CPXM2: variants seen among roughly 807,000 people sequenced by gnomAD.
CPXM2 encodes the protein carboxypeptidase X, M14 family member 2.
CPXM2 carries 66 observed loss-of-function variants against 86.1 expected under a neutral mutation model. The observed-to-expected ratio is 0.77, with a 90% confidence interval of 0.63 to 0.94. The LOEUF (loss-of-function observed/expected upper bound fraction) is 0.94, where lower values mean the gene tolerates loss of function less well. Ranked by LOEUF, CPXM2 falls within the 40% of genes least tolerant of loss-of-function variation. CPXM2 has a pLI of 0.00. For missense variants in CPXM2, 948 were observed against 1,026.3 expected (o/e 0.92, Z 1.04); for synonymous variants, 388 against 400.2 (o/e 0.97, Z 0.36).
chr10:123,936,013 T>C (rs1945715122), intron 2 of CPXM2, among the ~76,000 whole-genome samples: 2 of 33,934 alleles, frequency 5.9e-5, no homozygotes, highest in Non-Finnish European at 1.4e-4. Context: ...ATCCTTACCA[T>C]CATCACCACC....
chr10:123,922,436 T>G (rs1945585967), intron 2 of CPXM2, among the ~76,000 whole-genome samples: 1 of 152,170 alleles, frequency 6.6e-6, no homozygotes, highest in Non-Finnish European at 1.5e-5. Context: ...TTTGCCCTTC[T>G]AAAAAAATAT....
At chr10:123,775,011 G>A (rs553679957) in intron 7 of CPXM2, among the ~76,000 whole-genome samples, 1 of 152,196 alleles carries the variant, frequency 6.6e-6, no homozygotes, top group Non-Finnish European at 1.5e-5. Context: ...AGGCAGAGGA[G>A]ATTTTTCCCA....
intron 3 of CPXM2, among the ~76,000 whole-genome samples, chr10:123,842,761 C>G (rs1157567898): frequency 6.6e-6 from 1 of 152,212 alleles, no homozygotes; most frequent in Non-Finnish European, 1.5e-5. Context: ...ACTACTCATT[C>G]ATCTAGCACA....
chr10:123,833,526 C>T (rs565042343), intron 4 of CPXM2, among the ~76,000 whole-genome samples: 2 of 152,286 alleles, frequency 1.3e-5, no homozygotes, highest in East Asian at 1.9e-4. Flanking sequence ...TGAGGCCACC[C>T]GGTAAATGAG....
At chr10:123,748,235 G>A (rs1468720287) in intron 13 of CPXM2, among the ~76,000 whole-genome samples, 1 of 152,120 alleles carries the variant, frequency 6.6e-6, no homozygotes, top group Non-Finnish European at 1.5e-5. Context: ...TCTTTCGCTT[G>A]TGACAATCTG....
intron 1 of CPXM2, among the ~76,000 whole-genome samples, chr10:123,881,601 A>T (rs563133558): frequency 5.9e-5 from 9 of 152,328 alleles, no homozygotes; most frequent in Non-Finnish European, 8.8e-5. Context: ...AGGAGCTGTC[A>T]TTTCTACTGC....
chr10:123,874,796 G>T (rs1331989640), intron 2 of CPXM2, among the ~76,000 whole-genome samples: 1 of 152,224 alleles, frequency 6.6e-6, no homozygotes. Context: ...TACAGCCCTA[G>T]AATGTCTCCC....
At chr10:123,812,562 C>T (rs1324818510) in intron 4 of CPXM2, among the ~76,000 whole-genome samples, 4 of 152,178 alleles carry the variant, frequency 2.6e-5, no homozygotes, top group Admixed American at 1.3e-4. Context: ...ATTCTAGCCC[C>T]GGGGTCCCCA....
intron 4 of CPXM2, among the ~76,000 whole-genome samples, chr10:123,816,286 A>T (rs1394380611): frequency 2.6e-5 from 4 of 152,224 alleles, no homozygotes; most frequent in African/African-American, 9.6e-5. Context: ...TAATTGGCAT[A>T]GACATACTTA....
intron 1 of CPXM2, among the ~76,000 whole-genome samples, chr10:123,882,239 T>TA (rs1945104964): frequency 6.6e-6 from 1 of 152,030 alleles, no homozygotes; most frequent in African/African-American, 2.4e-5. Flanking sequence ...GAAAAGAAAA[T>TA]AAAAAAATTA....
In CPXM2 at chr10:123,804,072, T is replaced by C. The variant is rs543408802; in HGVS notation, c.654-4873A>G. On this transcript the variant is annotated intron_variant, in intron 4 of 13. Coordinates refer to ENST00000241305, the MANE Select transcript of CPXM2 (RefSeq NM_198148.3). ...GCTATAAATCATGTGACTGTATATA[T>C]GTAGGTATGTTTCTGGATGCTCTAT... 7.2e-5 allele frequency among the ~76,000 whole-genome samples: 11 copies of C among 152,296 alleles called. No individual in the cohort carries two copies. In the South Asian group the frequency reaches 1.9e-3, roughly 26 times the overall value.
rs905149566 is a variant in CPXM2, at chr10:123,860,728, G to C, written c.513+1886C>G. Among the ~76,000 whole-genome samples, 3 of 152,222 alleles carry C rather than the reference G, an allele frequency of 2.0e-5. No homozygotes were observed. In the South Asian group the frequency reaches 6.2e-4, roughly 32 times the overall value. Reference sequence around the variant, plus strand: ...CTGGAGCCCCGTCTAGGGTACTGGAGGCACTGTGGGGACACGAACATAGCT... The same window carrying C: ...CTGGAGCCCCGTCTAGGGTACTGGACGCACTGTGGGGACACGAACATAGCT... On this transcript the variant is annotated intron_variant, in intron 3 of 13. Coordinates refer to ENST00000241305, the MANE Select transcript of CPXM2 (RefSeq NM_198148.3).
In CPXM2 at chr10:123,787,149, C is replaced by T. The variant is rs557936464; in HGVS notation, c.890-6894G>A. Among the ~76,000 whole-genome samples, 40 of 152,286 alleles carry T rather than the reference C, an allele frequency of 2.6e-4. No homozygotes were observed. The East Asian group carries it at 6.6e-3, about 25-fold the overall frequency. ...CTCCAAGGTGGCTCCCAGGTGGCTA[C>T]AGCCAGTTCCCCATGCAGCTGGGCT... On this transcript the variant is annotated intron_variant, in intron 6 of 13. Coordinates refer to ENST00000241305, the MANE Select transcript of CPXM2 (RefSeq NM_198148.3).
At chr10:123,747,245 C>T (rs1032830014) in intron 13 of CPXM2, among the ~76,000 whole-genome samples, 6 of 152,302 alleles carry the variant, frequency 3.9e-5, no homozygotes, top group African/African-American at 4.8e-5. Flanking sequence ...ATAGGCTCCC[C>T]GCAGTGTCAA....
At chr10:123,830,354 C>A (rs1309173314) in intron 4 of CPXM2, among the ~76,000 whole-genome samples, 1 of 152,144 alleles carries the variant, frequency 6.6e-6, no homozygotes. Context: ...GCTGGTTAGA[C>A]CTTCTCCCTC....
At chr10:123,871,788 G>A (rs1359056170) in intron 2 of CPXM2, among the ~76,000 whole-genome samples, 1 of 152,162 alleles carries the variant, frequency 6.6e-6, no homozygotes, top group Non-Finnish European at 1.5e-5. Context: ...AGTGAGCCAA[G>A]AAGTGGGATA....
rs559531478 is a variant in CPXM2 at position 123,746,353 on chromosome 10, G to A, written c.*411C>T. On this transcript the variant is annotated 3_prime_UTR_variant, in exon 14 of 14. Coordinates refer to ENST00000241305, the MANE Select transcript of CPXM2 (RefSeq NM_198148.3). ...GTAACATTTGGGACAGCCCAGCTGG[G>A]GAAATGCTGCAATTTTAGCTGTGCA... 9.8e-6 allele frequency: 2 copies of A among 203,756 alleles called. No individual in the cohort carries two copies. The highest frequency in any genetic ancestry group is 5.4e-5 in the Admixed American group (1 of 18,668). The allele number at this position is 203,756 out of a possible 1,614,324, so 12.6% of individuals were successfully genotyped here.
chr10:123,822,724 AAAT>A (rs10603506), intron 4 of CPXM2, among the ~76,000 whole-genome samples: 27,264 of 149,838 alleles, frequency 0.18, 2,762 homozygotes, highest in East Asian at 0.35. Context: ...ATGGACCTGA[AAAT>A]AATAATAATA....
Position 123,746,743 on chromosome 10 carries a change from A to G in CPXM2, c.*21T>C. ...GTTTAATTTGCATGGGTCCCAGACG[A>G]GTCTCAAGGGCCCAGGAGGGTCACC... On this transcript the variant is annotated 3_prime_UTR_variant, in exon 14 of 14. Transcript: ENST00000241305. The G allele has an allele frequency of 6.2e-7, 1 of 1,612,532 alleles. No homozygotes were observed. Among genetic ancestry groups the G allele is most frequent in the Non-Finnish European group, 8.5e-7 (1 of 1,179,232 alleles).
Sources: gnomAD v4.1 joint callset for allele counts (sites outside exome capture counted in the v4.1 genomes callset) on GRCh38, gnomAD v4.1.1 for gene constraint, MANE v1.5 for transcripts, NCBI Gene and HGNC (gene_info 2026-07-23, HGNC 2026-07-21) for gene names.